YTHDC2: variants seen among roughly 807,000 people sequenced by gnomAD.
The protein encoded by YTHDC2 is YTH N6-methyladenosine RNA binding protein C2, also known as 3'-5' RNA helicase YTHDC2.
A neutral mutation model predicts 174.9 loss-of-function variants in YTHDC2; 45 were observed. That is an observed-to-expected ratio of 0.26 (90% CI 0.20 to 0.33). YTHDC2 has a LOEUF of 0.33. Among genes scored for constraint, YTHDC2 ranks in the 10% least tolerant of loss-of-function variants. The probability of loss-of-function intolerance (pLI) is 1.00; values close to 1 mark genes in which losing one functional copy is unlikely to be tolerated. For missense variants in YTHDC2, 1,650 were observed against 1,723.7 expected, an observed-to-expected ratio of 0.96 and a Z score of 0.76; for synonymous variants, 657 against 574.5, an observed-to-expected ratio of 1.14 and a Z score of -2.05.
At chr5:113,514,223 G>A (rs1250392329) in intron 1 of YTHDC2, 141 bp downstream of exon 1, 1 of 1,091,670 alleles carries the variant, frequency 9.2e-7, no homozygotes, top group Non-Finnish European at 1.3e-6. Flanking sequence ...GCGGGCCTCA[G>A]CGGCGGCACC....
intron 17 of YTHDC2, 63 bp from the exon 18 acceptor site, chr5:113,561,017 G>C: frequency 2.2e-6 from 3 of 1,349,746 alleles, no homozygotes; most frequent in East Asian, 2.4e-5. Flanking sequence ...ATCACATTGC[G>C]TTTACAGTTT....
chr5:113,526,811 G>GAAAA lies in YTHDC2; in HGVS notation c.675+39_675+42dup, dbSNP rs58260423. ...GTTTGTTTCTTTTTTGTTGTTTATA[G>GAAAA]AAAAAAAAAAAAAAAATATATATAT... On this transcript the variant is annotated intron_variant, in intron 4 of 29. Transcript: ENST00000161863. 7 of 260,620 alleles carry GAAAA rather than the reference G, an allele frequency of 2.7e-5. 1 individual carries two copies. The highest frequency in any genetic ancestry group is 1.4e-4 in the African/African-American group (5 of 34,568). 16.1% of individuals were successfully genotyped at this position (260,620 alleles called of 1,614,324 possible).
At chr5:113,522,051 AT>A (rs1773901838) in intron 2 of YTHDC2, among the ~76,000 whole-genome samples, 1 of 151,788 alleles carries the variant, frequency 6.6e-6, no homozygotes, top group African/African-American at 2.4e-5. Context: ...AGATCTTTGC[AT>A]CTGTCTGCCT....
At chr5:113,567,554 C>A in intron 22 of YTHDC2, 100 bp from the exon 23 acceptor site, 1 of 1,060,626 alleles carries the variant, frequency 9.4e-7, no homozygotes, top group Non-Finnish European at 1.3e-6. Flanking sequence ...TACTAATATA[C>A]ATCATCTATT....
At chr5:113,586,557 T>G (rs35364742) in intron 26 of YTHDC2, among the ~76,000 whole-genome samples, 12,182 of 151,888 alleles carry the variant, frequency 0.08, 702 homozygotes, top group Non-Finnish European at 0.11. Context: ...ATTAGTATTT[T>G]TTTGTGTACT....
intron 2 of YTHDC2, among the ~76,000 whole-genome samples, chr5:113,515,580 C>G (rs754582796): frequency 2.0e-5 from 3 of 151,834 alleles, no homozygotes; most frequent in Non-Finnish European, 2.9e-5. Context: ...TTGTTTTTCC[C>G]TAGGAAAATG....
At chr5:113,566,086 T>C in intron 21 of YTHDC2, 67 bp downstream of exon 21, 1 of 1,440,270 alleles carries the variant, frequency 6.9e-7, no homozygotes, top group Non-Finnish European at 9.2e-7. Context: ...TTCATAGTAT[T>C]TCTTATGTTA....
chr5:113,516,588 C>T (rs1329801663), intron 2 of YTHDC2, among the ~76,000 whole-genome samples: 1 of 152,104 alleles, frequency 6.6e-6, no homozygotes, highest in Non-Finnish European at 1.5e-5. Flanking sequence ...CTACTACATG[C>T]CACTAACACT....
chr5:113,575,617 A>G (rs2112770409), intron 23 of YTHDC2, among the ~76,000 whole-genome samples: 1 of 152,310 alleles, frequency 6.6e-6, no homozygotes, highest in Admixed American at 6.5e-5. Flanking sequence ...AGGCTGTGTG[A>G]TTGGAGTGCA....
intron 23 of YTHDC2, 124 bp from the exon 24 acceptor site, chr5:113,579,462 C>A: frequency 1.7e-6 from 1 of 576,006 alleles, no homozygotes; most frequent in Non-Finnish European, 2.9e-6. Flanking sequence ...GTTTGAAGGA[C>A]TTCCCACACA....
At chr5:113,579,853 G>A (rs1778291234) in intron 24 of YTHDC2, 158 bp downstream of exon 24, 4 of 985,156 alleles carry the variant, frequency 4.1e-6, no homozygotes, top group African/African-American at 1.7e-5. Context: ...ATTCTCTTCT[G>A]TATTGGGGTT....
chr5:113,539,987 G>T (rs995888493), intron 8 of YTHDC2, among the ~76,000 whole-genome samples: 27 of 152,086 alleles, frequency 1.8e-4, no homozygotes, highest in African/African-American at 5.8e-4. Context: ...CTGCAGCCTC[G>T]ACCTCCTCAT....
chr5:113,556,960 A>G (rs1273387620), intron 17 of YTHDC2, among the ~76,000 whole-genome samples: 1 of 152,208 alleles, frequency 6.6e-6, no homozygotes, highest in Non-Finnish European at 1.5e-5. Context: ...TTAAAAGGAA[A>G]AATGTAGATC....
chr5:113,580,664 A>G (rs1256258583), intron 24 of YTHDC2, among the ~76,000 whole-genome samples: 3 of 152,142 alleles, frequency 2.0e-5, no homozygotes, highest in African/African-American at 4.8e-5. Flanking sequence ...GCCAAGGTCA[A>G]CTGTGTCCTT....
chr5:113,532,981 G>C lies in YTHDC2; in HGVS notation c.778G>C (p.Val260Leu). The part of the protein sequence containing the change: ...RLAAIAVAER[V>L]AAERRERIGQ... The stretch of plus-strand genomic sequence containing the variant: ...GGCAGCTATCGCTGTGGCTGAAAGA[G>C]TTGCCGCAGAGAGACGGGAAAGGAT... The change falls in exon 5 of 30, where the codon GTT (valine) becomes CTT (leucine). Residue 260 changes from valine (V) to leucine (L), a missense_variant. Coordinates refer to ENST00000161863, the MANE Select transcript of YTHDC2 (RefSeq NM_022828.5). The C allele has an allele frequency of 6.2e-7, 1 of 1,614,198 alleles. No individual in the cohort carries two copies. Among genetic ancestry groups the C allele is most frequent in the Non-Finnish European group, 8.5e-7 (1 of 1,180,032 alleles).
intron 20 of YTHDC2, chr5:113,565,581 G>C (rs1363767632): frequency 5.3e-6 from 1 of 187,356 alleles, no homozygotes; most frequent in Non-Finnish European, 1.1e-5. Flanking sequence ...AGTCTTAGTT[G>C]AAAACCTATA....
intron 26 of YTHDC2, among the ~76,000 whole-genome samples, chr5:113,588,664 C>T (rs1037405960): frequency 1.3e-5 from 2 of 151,690 alleles, no homozygotes; most frequent in African/African-American, 2.4e-5. Context: ...ACTCTGCCAC[C>T]CAGGCTGGAG....
At chr5:113,574,669 C>CT (rs1777929843) in intron 23 of YTHDC2, among the ~76,000 whole-genome samples, 1 of 152,158 alleles carries the variant, frequency 6.6e-6, no homozygotes, top group South Asian at 2.1e-4. Context: ...GCCAGTAGGT[C>CT]ATAATTGGTG....
intron 2 of YTHDC2, among the ~76,000 whole-genome samples, chr5:113,519,024 A>T (rs1773678585): frequency 6.8e-6 from 1 of 146,878 alleles, no homozygotes; most frequent in Admixed American, 6.9e-5. Flanking sequence ...ATGCACCACC[A>T]TGCCTGGCTA....
Sources: gnomAD v4.1 joint callset for allele counts (sites outside exome capture counted in the v4.1 genomes callset) on GRCh38, gnomAD v4.1.1 for gene constraint, MANE v1.5 for transcripts, NCBI Gene and HGNC (gene_info 2026-07-23, HGNC 2026-07-21) for gene names.